ZMYND11: variants seen among roughly 807,000 people sequenced by gnomAD.
The protein encoded by ZMYND11 is zinc finger MYND domain-containing protein 11.
In ZMYND11, 9 loss-of-function variants were observed where a neutral mutation model predicts 84.9. The observed-to-expected ratio is 0.11, with a 90% CI of 0.06 to 0.18. The LOEUF is 0.18. ZMYND11 is among the 10% of genes least tolerant of loss of function. The pLI, the probability that ZMYND11 is intolerant of heterozygous loss-of-function variation, is 1.00. For missense variants in ZMYND11, 409 were observed against 761.0 expected, an observed-to-expected ratio of 0.54 and a Z score of 5.44; for synonymous variants, 250 against 244.1, an observed-to-expected ratio of 1.02 and a Z score of -0.23.
At position 191,707 on chromosome 10, in the gene ZMYND11, A is replaced by G. The variant is rs117001864; in HGVS notation, c.116+11579A>G. On this transcript the variant is annotated intron_variant, in intron 2 of 14. Transcript: ENST00000381604. ...TAAATATATTACAAGATACTTGGAA[A>G]ATAGAAAACAGAAAAATAACCCTCT... Among the ~76,000 whole-genome samples the G allele has an allele frequency of 1.5e-3, 230 of 152,370 alleles. 5 individuals carry two copies. The East Asian group carries it at 0.039, about 26-fold the overall frequency.
intron 11 of ZMYND11, 133 bp downstream of exon 11, chr10:247,106 C>T (rs1444868680): frequency 5.2e-6 from 5 of 969,072 alleles, no homozygotes; most frequent in Non-Finnish European, 6.1e-6. Flanking sequence ...AAGTGCTCTG[C>T]AAAACTAAAC....
At chr10:249,656 T>TTC in intron 14 of ZMYND11, 4 of 985,428 alleles carry the variant, frequency 4.1e-6, no homozygotes, top group Non-Finnish European at 4.8e-6. Flanking sequence ...GAGTGGGAGC[T>TTC]TCTGAGTGCA....
chr10:201,786 G>A (rs981500493), intron 2 of ZMYND11, among the ~76,000 whole-genome samples: 6 of 152,000 alleles, frequency 3.9e-5, no homozygotes, highest in Admixed American at 3.3e-4. Flanking sequence ...AGTGGGGTGC[G>A]AGAAAATGAG....
intron 1 of ZMYND11, among the ~76,000 whole-genome samples, chr10:161,055 C>T (rs11250564): frequency 0.062 from 9,171 of 147,230 alleles, 388 homozygotes; most frequent in Non-Finnish European, 0.091. Flanking sequence ...TTGAACTCTT[C>T]GGCTCAAGTG....
intron 2 of ZMYND11, among the ~76,000 whole-genome samples, chr10:202,454 G>A (rs1943371510): frequency 6.6e-6 from 1 of 152,032 alleles, no homozygotes; most frequent in African/African-American, 2.4e-5. Context: ...TAATGAACAC[G>A]TTAGCCCTTA....
chr10:155,487 A>G (rs1554758506), intron 1 of ZMYND11, among the ~76,000 whole-genome samples: 1 of 152,236 alleles, frequency 6.6e-6, no homozygotes, highest in African/African-American at 2.4e-5. Context: ...CATCTCTACC[A>G]AAACAGCAAC....
intron 1 of ZMYND11, among the ~76,000 whole-genome samples, chr10:167,070 G>T (rs1844175462): frequency 6.6e-6 from 1 of 152,106 alleles, no homozygotes; most frequent in Admixed American, 6.6e-5. Flanking sequence ...ATTTGAGGAT[G>T]CTAGGGGCTT....
chr10:215,263 A>C (rs1945981464), intron 3 of ZMYND11, among the ~76,000 whole-genome samples: 1 of 152,024 alleles, frequency 6.6e-6, no homozygotes, highest in African/African-American at 2.4e-5. Flanking sequence ...TCACAGCCTC[A>C]TTTCCTTGTC....
rs140294536 is a variant in ZMYND11, at chr10:183,398, A to G, written c.116+3270A>G. ...GTGGCTTGGGGGAGGGGGCAAGACT[A>G]TTCCCTGGGAGTGGTATGTTCTACC... On this transcript the variant is annotated intron_variant, in intron 2 of 14. Coordinates refer to ENST00000381604, the MANE Select transcript of ZMYND11 (RefSeq NM_001370100.5). Among the ~76,000 whole-genome samples, 580 of 152,110 alleles carry G rather than the reference A, an allele frequency of 3.8e-3. 4 individuals are homozygous for G. The highest frequency in any genetic ancestry group is 0.012 in the African/African-American group (513 of 41,508).
intron 1 of ZMYND11, among the ~76,000 whole-genome samples, chr10:171,153 C>G (rs1307260092): frequency 6.6e-6 from 1 of 152,060 alleles, no homozygotes; most frequent in Non-Finnish European, 1.5e-5. Context: ...ACCTAACAAC[C>G]AAGCATCAGA....
chr10:179,382 A>G (rs1847352244), intron 1 of ZMYND11, among the ~76,000 whole-genome samples: 3 of 152,192 alleles, frequency 2.0e-5, no homozygotes, highest in Non-Finnish European at 4.4e-5. Flanking sequence ...ATAGTGTAAT[A>G]AATACCCCCA....
chr10:147,356 C>G (rs1554755679), intron 1 of ZMYND11, among the ~76,000 whole-genome samples: 2 of 152,042 alleles, frequency 1.3e-5, no homozygotes, highest in African/African-American at 4.8e-5. Flanking sequence ...TTCAACTTTT[C>G]CCCATTCAGT....
At chr10:130,391 G>A (rs936416451), upstream of ZMYND11, among the ~76,000 whole-genome samples, 6 of 152,136 alleles carry the variant, frequency 3.9e-5, no homozygotes, top group African/African-American at 1.2e-4. Flanking sequence ...GCTCGACTAC[G>A]GGACGTGGTA....
At chr10:188,327 C>T (rs1357774187) in intron 2 of ZMYND11, among the ~76,000 whole-genome samples, 6 of 151,888 alleles carry the variant, frequency 4.0e-5, no homozygotes, top group Middle Eastern at 3.2e-3. Context: ...TGGTTCACAC[C>T]TGTAATCCCG....
chr10:221,157 C>CA, intron 3 of ZMYND11, 38 bp from the exon 4 acceptor site: 1 of 1,594,778 alleles, frequency 6.3e-7, no homozygotes. Context: ...CAGATATTGA[C>CA]AAAATGTCAT....
intron 2 of ZMYND11, among the ~76,000 whole-genome samples, chr10:187,607 C>T (rs35523190): frequency 6.7e-6 from 1 of 148,260 alleles, no homozygotes; most frequent in East Asian, 2.0e-4. Context: ...GCAATCCGGC[C>T]TGGGCTAAAC....
chr10:229,534 G>A (rs1455398196), intron 4 of ZMYND11, among the ~76,000 whole-genome samples: 3 of 152,200 alleles, frequency 2.0e-5, no homozygotes, highest in East Asian at 3.9e-4. Context: ...ATCCTGTGTA[G>A]TTTAATGTGA....
intron 8 of ZMYND11, 126 bp downstream of exon 8, chr10:240,237 G>C: frequency 2.5e-6 from 2 of 795,238 alleles, no homozygotes; most frequent in Non-Finnish European, 1.9e-6. Context: ...CGGGCGTGGG[G>C]GCTCACGCCT....
At chr10:159,779 GC>G (rs782670115) in intron 1 of ZMYND11, among the ~76,000 whole-genome samples, 19 of 151,880 alleles carry the variant, frequency 1.3e-4, no homozygotes, top group Non-Finnish European at 2.4e-4. Flanking sequence ...GTGTTTGTTT[GC>G]TTGTTTGTTT....
Sources: allele counts gnomAD v4.1 joint callset (sites outside exome capture counted in the v4.1 genomes callset), GRCh38; gene constraint gnomAD v4.1.1; transcripts MANE v1.5; gene names NCBI Gene and HGNC (gene_info 2026-07-23, HGNC 2026-07-21).